Variants in LINGO2 observed in about 807,000 individuals in gnomAD.
The protein encoded by LINGO2 is leucine rich repeat and Ig domain containing 2, also known as leucine-rich repeat and immunoglobulin-like domain-containing nogo receptor-interacting protein 2.
A neutral mutation model predicts 30.6 loss-of-function variants in LINGO2; 14 were observed. The observed-to-expected ratio is 0.46, with a 90% confidence interval of 0.30 to 0.72. The LOEUF is 0.72. Among genes scored for constraint, LINGO2 ranks in the 30% least tolerant of loss-of-function variants. The probability of loss-of-function intolerance (pLI) is 0.07; values close to 1 mark genes in which losing one functional copy is unlikely to be tolerated. For missense variants in LINGO2, 729 were observed against 751.7 expected (o/e 0.97, Z 0.35); for synonymous variants, 317 against 288.5 (o/e 1.10, Z -1.00).
chr9:28,389,765 T>C (rs1330909995), intron 2 of LINGO2, among the ~76,000 whole-genome samples: 1 of 152,212 alleles, frequency 6.6e-6, no homozygotes, highest in Non-Finnish European at 1.5e-5. Flanking sequence ...CTAGAAACTA[T>C]TTTGCATTCA....
intron 4 of LINGO2, among the ~76,000 whole-genome samples, chr9:28,015,998 C>CAA (rs35234256): frequency 0.017 from 2,056 of 122,342 alleles, 41 homozygotes; most frequent in Middle Eastern, 0.057. Flanking sequence ...GTAAAAGGGA[C>CAA]AAAAAAAAAA....
At chr9:27,991,126 C>A (rs192564154) in intron 5 of LINGO2, among the ~76,000 whole-genome samples, 188 of 152,144 alleles carry the variant, frequency 1.2e-3, no homozygotes, top group African/African-American at 4.4e-3. Flanking sequence ...AAAAATTACA[C>A]AAACCTTAAT....
chr9:28,193,279 A>ATGTTATTT (rs1819886390), intron 4 of LINGO2, among the ~76,000 whole-genome samples: 1 of 152,154 alleles, frequency 6.6e-6, no homozygotes, highest in Non-Finnish European at 1.5e-5. Context: ...TTCATTTTCC[A>ATGTTATTT]TGTTATTTTA....
intron 4 of LINGO2, among the ~76,000 whole-genome samples, chr9:28,094,998 T>A (rs1826203900): frequency 6.6e-6 from 1 of 152,136 alleles, no homozygotes. Context: ...ACCTGTAATA[T>A]AATATTTTAA....
chr9:28,619,637 G>C (rs1826301931), intron 1 of LINGO2, among the ~76,000 whole-genome samples: 1 of 152,088 alleles, frequency 6.6e-6, no homozygotes, highest in Non-Finnish European at 1.5e-5. Flanking sequence ...AGCTTAGGCT[G>C]ATTTCAATGT....
chr9:28,221,082 G>T (rs747836216), intron 4 of LINGO2, among the ~76,000 whole-genome samples: 23 of 151,968 alleles, frequency 1.5e-4, no homozygotes, highest in Non-Finnish European at 2.9e-4. Flanking sequence ...GGTGGATCAC[G>T]AGGTCAGGAG....
the LINGO2 span, among the ~76,000 whole-genome samples, chr9:28,715,459 T>C: frequency 1.3e-5 from 2 of 152,112 alleles, no homozygotes; most frequent in Non-Finnish European, 2.9e-5. Context: ...TATTCTGCAA[T>C]GTACACTTAT....
At chr9:28,908,440 C>T in the LINGO2 span, among the ~76,000 whole-genome samples, 1 of 151,822 alleles carries the variant, frequency 6.6e-6, no homozygotes, top group Non-Finnish European at 1.5e-5. Flanking sequence ...AAAAGTGATG[C>T]TGGAGAAAAC....
At chr9:29,142,174 A>C in the LINGO2 span, among the ~76,000 whole-genome samples, 1 of 151,874 alleles carries the variant, frequency 6.6e-6, no homozygotes, top group African/African-American at 2.4e-5. Context: ...AAATCATAAA[A>C]AGTTCAGAAA....
At chr9:27,949,721 G>A (rs748944667) in exon 6 of LINGO2, 20 of 1,614,154 alleles carry the variant, frequency 1.2e-5, no homozygotes, top group Non-Finnish European at 1.6e-5. Flanking sequence ...GGAGCCCTTG[G>A]AAGGAGTGAG....
At chr9:28,686,835 T>C in the LINGO2 span, among the ~76,000 whole-genome samples, 2 of 152,070 alleles carry the variant, frequency 1.3e-5, no homozygotes, top group South Asian at 2.1e-4. Context: ...TTTCTGGTGA[T>C]AGGAGTATTT....
At chr9:27,964,742 T>G (rs1304483418) in intron 5 of LINGO2, among the ~76,000 whole-genome samples, 4 of 152,102 alleles carry the variant, frequency 2.6e-5, no homozygotes, top group African/African-American at 9.6e-5. Context: ...TGTAGCAATT[T>G]CTGGGGGTTC....
chr9:28,202,826 A>G (rs1363877468), intron 4 of LINGO2, among the ~76,000 whole-genome samples: 1 of 152,186 alleles, frequency 6.6e-6, no homozygotes, highest in Non-Finnish European at 1.5e-5. Flanking sequence ...AGCTTGAGTC[A>G]TGGCACAAAC....
chr9:28,071,805 T>C (rs1825486397), intron 4 of LINGO2, among the ~76,000 whole-genome samples: 1 of 152,068 alleles, frequency 6.6e-6, no homozygotes. Flanking sequence ...TAAATATAGA[T>C]GTAGATATAA....
chr9:29,040,983 C>A, the LINGO2 span, among the ~76,000 whole-genome samples: 1 of 151,954 alleles, frequency 6.6e-6, no homozygotes, highest in Non-Finnish European at 1.5e-5. Flanking sequence ...GCTCAGTTTC[C>A]TCTTCCTTCA....
At chr9:27,983,075 A>G (rs547775057) in intron 5 of LINGO2, among the ~76,000 whole-genome samples, 5 of 151,958 alleles carry the variant, frequency 3.3e-5, no homozygotes, top group African/African-American at 1.2e-4. Context: ...ATACCCTTGA[A>G]ACATTTTCAT....
chr9:29,133,069 G>A, the LINGO2 span, among the ~76,000 whole-genome samples: 1 of 151,922 alleles, frequency 6.6e-6, no homozygotes, highest in Non-Finnish European at 1.5e-5. Flanking sequence ...CCTCCTACCT[G>A]GGGTTTTCTG....
chr9:28,380,169 T>G (rs7028019), intron 2 of LINGO2, among the ~76,000 whole-genome samples: 1 of 151,966 alleles, frequency 6.6e-6, no homozygotes, highest in Non-Finnish European at 1.5e-5. Context: ...CCTTAAGAAA[T>G]AGCCAATCCA....
At chr9:28,774,665 T>A in the LINGO2 span, among the ~76,000 whole-genome samples, 1 of 152,164 alleles carries the variant, frequency 6.6e-6, no homozygotes, top group African/African-American at 2.4e-5. Context: ...ATACAGTGAC[T>A]GCACTTCTAA....
Sources: gnomAD v4.1 joint callset for allele counts (sites outside exome capture counted in the v4.1 genomes callset) on GRCh38, gnomAD v4.1.1 for gene constraint, MANE v1.5 for transcripts, NCBI Gene and HGNC (gene_info 2026-07-23, HGNC 2026-07-21) for gene names.